Variants in DDX50 observed in about 807,000 individuals in gnomAD.
DDX50 encodes the protein DExD-box helicase 50, also known as ATP-dependent RNA helicase DDX50.
A neutral mutation model predicts 94.8 loss-of-function variants in DDX50; 56 were observed. The ratio of observed to expected loss-of-function variants is 0.59; its 90% CI spans 0.48 to 0.74. The LOEUF (loss-of-function observed/expected upper bound fraction) is 0.74. Ranked by LOEUF, DDX50 falls within the 30% of genes least tolerant of loss-of-function variation. The probability of loss-of-function intolerance (pLI) is 0.00; values close to 1 mark genes in which losing one functional copy is unlikely to be tolerated. For missense variants in DDX50, 713 were observed against 881.2 expected, an observed-to-expected ratio of 0.81 and a Z score of 2.42; for synonymous variants, 264 against 295.4, an observed-to-expected ratio of 0.89 and a Z score of 1.09.
chr10:68,938,551 C>T (rs1393571865), intron 12 of DDX50, among the ~76,000 whole-genome samples: 1 of 152,146 alleles, frequency 6.6e-6, no homozygotes, highest in Non-Finnish European at 1.5e-5. Flanking sequence ...AATAACAAAA[C>T]AGACTAATTT....
intron 6 of DDX50, 72 bp from the exon 7 acceptor site, chr10:68,913,986 TG>T (rs1273162975): frequency 1.5e-6 from 2 of 1,336,534 alleles, no homozygotes; most frequent in African/African-American, 3.1e-5. Flanking sequence ...TTTTGAAGCT[TG>T]GGAGGATTTT....
rs769575441 is a variant in DDX50, at chr10:68,911,263, G to C, written c.639+17G>C. ...TCACCAAAGGTAATCGTTATAGGGG[G>C]TAAAAGCTTTAAATGTTACTCTAAC... On this transcript the variant is annotated intron_variant, in intron 4 of 14. Coordinates refer to ENST00000373585, the MANE Select transcript of DDX50 (RefSeq NM_024045.2). 5.2e-6 allele frequency: 8 copies of C among 1,537,002 alleles called. No homozygotes were observed. The highest frequency in any genetic ancestry group is 7.0e-6 in the Non-Finnish European group (8 of 1,145,990).
intron 8 of DDX50, among the ~76,000 whole-genome samples, chr10:68,933,377 G>T (rs1842322845): frequency 1.3e-5 from 2 of 151,918 alleles, no homozygotes; most frequent in Non-Finnish European, 2.9e-5. Flanking sequence ...GCCCATTGCA[G>T]CATTGTTTCT....
At chr10:68,937,459 A>G (rs1379821633) in intron 12 of DDX50, among the ~76,000 whole-genome samples, 1 of 152,180 alleles carries the variant, frequency 6.6e-6, no homozygotes, top group Non-Finnish European at 1.5e-5. Flanking sequence ...ATGTTTCAGT[A>G]CATCCGTACA....
intron 12 of DDX50, among the ~76,000 whole-genome samples, chr10:68,938,913 C>T (rs1025716588): frequency 1.3e-5 from 2 of 152,030 alleles, no homozygotes; most frequent in Admixed American, 6.6e-5. Context: ...GGTGAAGAGT[C>T]TTGGTCGGTT....
chr10:68,930,327 A>AGTCTG (rs1842228011), intron 8 of DDX50, among the ~76,000 whole-genome samples: 1 of 151,800 alleles, frequency 6.6e-6, no homozygotes, highest in Non-Finnish European at 1.5e-5. Flanking sequence ...CACATTGGCC[A>AGTCTG]GTCTGGTCTC....
At chr10:68,933,066 TGTTTG>T (rs773362535) in intron 8 of DDX50, among the ~76,000 whole-genome samples, 1 of 149,362 alleles carries the variant, frequency 6.7e-6, no homozygotes, top group Non-Finnish European at 1.5e-5. Flanking sequence ...ATTGTTTGTT[TGTTTG>T]TTTTTTTTTT....
At chr10:68,941,976 T>A (rs1842564595) in intron 13 of DDX50, among the ~76,000 whole-genome samples, 1 of 150,776 alleles carries the variant, frequency 6.6e-6, no homozygotes, top group Admixed American at 6.6e-5. Context: ...TTGGTAAAGA[T>A]GGGATTTTGC....
chr10:68,922,668 C>T (rs1391840575), intron 8 of DDX50, among the ~76,000 whole-genome samples: 1 of 152,012 alleles, frequency 6.6e-6, no homozygotes, highest in Non-Finnish European at 1.5e-5. Context: ...TGGTGTGTGC[C>T]TGTACTCCCA....
chr10:68,943,737 CCTGG>C (rs1377989180), intron 14 of DDX50, among the ~76,000 whole-genome samples: 4 of 151,956 alleles, frequency 2.6e-5, no homozygotes, highest in African/African-American at 9.7e-5. Context: ...TGGCCCCCTG[CCTGG>C]CTAATTTTTT....
In DDX50 at chr10:68,926,201, AAAAT is replaced by A. The variant is rs573653595; in HGVS notation, c.1239+6228_1239+6231del. ...TCAAAAAACATAAATAAAATAAAATAAAATAAATAAAGTCCTTTATAAACAGATA... is the reference window on the plus strand; with the variant it reads ...TCAAAAAACATAAATAAAATAAAATAAAATAAAGTCCTTTATAAACAGATA... On this transcript the variant is annotated intron_variant, in intron 8 of 14. Transcript: ENST00000373585. Among the ~76,000 whole-genome samples the A allele has an allele frequency of 7.9e-3, 923 of 116,344 alleles. 10 individuals are homozygous for A. Among genetic ancestry groups the A allele is most frequent in the Non-Finnish European group, 0.012 (669 of 55,608 alleles). 76.3% of individuals were successfully genotyped at this position (116,344 alleles called of 152,430 possible).
At chr10:68,915,668 A>G (rs1443008466) in intron 7 of DDX50, among the ~76,000 whole-genome samples, 1 of 151,582 alleles carries the variant, frequency 6.6e-6, no homozygotes, top group African/African-American at 2.4e-5. Flanking sequence ...GTGAGCCAAG[A>G]TCGTGCCACT....
chr10:68,927,883 G>A (rs771092252), intron 8 of DDX50, among the ~76,000 whole-genome samples: 6 of 152,110 alleles, frequency 3.9e-5, no homozygotes, highest in Non-Finnish European at 7.3e-5. Context: ...TGAGCTGGCC[G>A]CCATGGTTCA....
chr10:68,921,872 T>C (rs2132038689), intron 8 of DDX50, among the ~76,000 whole-genome samples: 2 of 152,356 alleles, frequency 1.3e-5, no homozygotes, highest in South Asian at 4.1e-4. Flanking sequence ...TTTTTCCTTA[T>C]ATGTGATTTT....
rs771298226 is a variant in DDX50 at position 68,906,972 on chromosome 10, TCTA to T, written c.352_354del (p.Thr118del). The stretch of plus-strand genomic sequence containing the variant: ...AAAGCGAGTATCATCTTTAGATACT[TCTA>T]CTCATAAATCAAGTGATAATAAACT... On this transcript the variant is annotated inframe_deletion, in exon 2 of 15. Transcript: ENST00000373585. The T allele has an allele frequency of 3.7e-5, 58 of 1,587,604 alleles. No individual in the cohort carries two copies. The highest frequency in any genetic ancestry group is 3.1e-5 in the Non-Finnish European group (36 of 1,174,084).
intron 8 of DDX50, among the ~76,000 whole-genome samples, chr10:68,922,231 A>G (rs912756021): frequency 6.6e-6 from 1 of 151,862 alleles, no homozygotes; most frequent in African/African-American, 2.4e-5. Flanking sequence ...TGTTGCCCAC[A>G]TGGGAGTGCA....
intron 7 of DDX50, among the ~76,000 whole-genome samples, chr10:68,915,714 C>CAAA (rs1206127189): frequency 1.1e-5 from 1 of 92,374 alleles, no homozygotes; most frequent in Admixed American, 1.1e-4. Flanking sequence ...GACAACATCT[C>CAAA]AAAAAAAAAA....
At chr10:68,926,968 A>G (rs1264738914) in intron 8 of DDX50, among the ~76,000 whole-genome samples, 1 of 152,134 alleles carries the variant, frequency 6.6e-6, no homozygotes, top group South Asian at 2.1e-4. Context: ...GCTGAAGTGC[A>G]GTGGTGTGAT....
At chr10:68,915,783 A>G (rs1177063918) in intron 7 of DDX50, among the ~76,000 whole-genome samples, 1 of 152,192 alleles carries the variant, frequency 6.6e-6, no homozygotes, top group African/African-American at 2.4e-5. Context: ...ACTAGGTAAC[A>G]TGTCATCTTT....
Sources: allele counts gnomAD v4.1 joint callset (sites outside exome capture counted in the v4.1 genomes callset), GRCh38; gene constraint gnomAD v4.1.1; transcripts MANE v1.5; gene names NCBI Gene and HGNC (gene_info 2026-07-23, HGNC 2026-07-21).